Variants in FSIP1 observed in about 807,000 individuals in gnomAD.
The protein encoded by FSIP1 is fibrous sheath-interacting protein 1.
In FSIP1, 65 loss-of-function variants were observed where a neutral mutation model predicts 60.9. The observed-to-expected ratio is 1.07, with a 90% CI of 0.87 to 1.31. The LOEUF is 1.31. Ranked by LOEUF, FSIP1 falls within the 40% of genes most tolerant of loss-of-function variation. The pLI is 0.00. For synonymous variants in FSIP1, 209 were observed against 221.2 expected (o/e 0.94, Z 0.49); for missense variants, 675 against 665.5 (o/e 1.01, Z -0.16).
chr15:39,713,088 TTTATA>T (rs1324403203), intron 10 of FSIP1, among the ~76,000 whole-genome samples: 2 of 152,212 alleles, frequency 1.3e-5, no homozygotes, highest in Admixed American at 1.3e-4. Context: ...TATTTAATGT[TTTATA>T]TTATATAAAT....
At chr15:39,659,984 T>A (rs575302163) in intron 10 of FSIP1, among the ~76,000 whole-genome samples, 2 of 152,212 alleles carry the variant, frequency 1.3e-5, no homozygotes, top group Non-Finnish European at 2.9e-5. Flanking sequence ...ACTTCTTTTT[T>A]ACTTCTATCC....
intron 5 of FSIP1, among the ~76,000 whole-genome samples, chr15:39,757,742 G>T (rs146852467): frequency 3.7e-4 from 57 of 152,234 alleles, no homozygotes; most frequent in African/African-American, 1.4e-3. Flanking sequence ...GAAGAAGCCA[G>T]TAATACAATA....
chr15:39,715,201 C>T (rs985431203), intron 9 of FSIP1, among the ~76,000 whole-genome samples: 5 of 152,098 alleles, frequency 3.3e-5, no homozygotes, highest in African/African-American at 7.2e-5. Flanking sequence ...GCTTGAGACT[C>T]AGACTCAAAT....
At chr15:39,646,520 C>CAAAAAAAAAAAAAAAAAA (rs71132108) in intron 10 of FSIP1, among the ~76,000 whole-genome samples, 3 of 27,114 alleles carry the variant, frequency 1.1e-4, no homozygotes, top group Non-Finnish European at 2.3e-4. Context: ...CTCATCTCTA[C>CAAAAAAAAAAAAAAAAAA]AAAAAAAAAA....
intron 11 of FSIP1, among the ~76,000 whole-genome samples, chr15:39,613,647 C>CA (rs1252055444): frequency 1.6e-5 from 2 of 124,446 alleles, no homozygotes; most frequent in Non-Finnish European, 3.2e-5. Context: ...AGAAGAATAC[C>CA]ACAAGAAAAA....
chr15:39,693,407 T>C (rs936250158), intron 10 of FSIP1, among the ~76,000 whole-genome samples: 1 of 152,202 alleles, frequency 6.6e-6, no homozygotes, highest in Non-Finnish European at 1.5e-5. Context: ...TCCATGATCA[T>C]GGGCCAATTA....
intron 8 of FSIP1, among the ~76,000 whole-genome samples, chr15:39,732,206 ATGCTC>A (rs1896431385): frequency 6.6e-6 from 1 of 152,178 alleles, no homozygotes; most frequent in African/African-American, 2.4e-5. Context: ...TCAGGTGGTA[ATGCTC>A]GCTAGCCCAC....
At chr15:39,770,386 T>C in intron 3 of FSIP1, 41 bp downstream of exon 3, 1 of 1,359,398 alleles carries the variant, frequency 7.4e-7, no homozygotes, top group Non-Finnish European at 1.0e-6. Context: ...ATCATTAACA[T>C]TTGTAATTAT....
chr15:39,728,768 CT>C (rs2140602733), intron 8 of FSIP1, among the ~76,000 whole-genome samples: 1 of 152,210 alleles, frequency 6.6e-6, no homozygotes, highest in African/African-American at 2.4e-5. Flanking sequence ...CAAATGGGAC[CT>C]AATTAAAGAG....
At chr15:39,658,658 A>C (rs1893170428) in intron 10 of FSIP1, among the ~76,000 whole-genome samples, 1 of 152,250 alleles carries the variant, frequency 6.6e-6, no homozygotes, top group South Asian at 2.1e-4. Flanking sequence ...TTTAAGATAG[A>C]CATAGCAATA....
At chr15:39,638,328 C>T (rs758607566) in intron 10 of FSIP1, among the ~76,000 whole-genome samples, 12 of 152,154 alleles carry the variant, frequency 7.9e-5, no homozygotes, top group Admixed American at 2.0e-4. Flanking sequence ...AAAAGTGCAA[C>T]TAAGAGGAGA....
chr15:39,754,021 A>T (rs1483639895), intron 5 of FSIP1, among the ~76,000 whole-genome samples: 2 of 152,062 alleles, frequency 1.3e-5, no homozygotes, highest in Non-Finnish European at 2.9e-5. Flanking sequence ...AGAGACACAA[A>T]CCATGTTCCT....
At chr15:39,771,567 T>TTACC (rs1897887726) in intron 2 of FSIP1, among the ~76,000 whole-genome samples, 1 of 152,148 alleles carries the variant, frequency 6.6e-6, no homozygotes, top group Non-Finnish European at 1.5e-5. Context: ...CTGAGCTGAC[T>TTACC]CAGTGGTAAT....
chr15:39,751,275 T>A (rs1434164505), intron 5 of FSIP1, among the ~76,000 whole-genome samples: 1 of 151,778 alleles, frequency 6.6e-6, no homozygotes, highest in Admixed American at 6.6e-5. Context: ...CTTCTGGGTA[T>A]AAACGCAAAG....
At chr15:39,642,901 T>C (rs1214888333) in intron 10 of FSIP1, among the ~76,000 whole-genome samples, 2 of 152,210 alleles carry the variant, frequency 1.3e-5, no homozygotes, top group Non-Finnish European at 2.9e-5. Context: ...AAAACAATGT[T>C]GTACTATAAT....
chr15:39,677,523 T>G (rs1318234450), intron 10 of FSIP1, among the ~76,000 whole-genome samples: 1 of 152,086 alleles, frequency 6.6e-6, no homozygotes, highest in African/African-American at 2.4e-5. Flanking sequence ...TTAAAATTAT[T>G]TTCACACCCC....
In FSIP1 at chr15:39,716,812, C is replaced by CTTTTTTT. The variant is rs72106293; in HGVS notation, c.1051-3238_1051-3232dup. Among the ~76,000 whole-genome samples, 53 of 110,198 alleles carry CTTTTTTT rather than the reference C, an allele frequency of 4.8e-4. 3 individuals are homozygous for CTTTTTTT. The highest frequency in any genetic ancestry group is 7.7e-4 in the Non-Finnish European group (44 of 56,916). 72.3% of individuals were successfully genotyped at this position (110,198 alleles called of 152,430 possible). On this transcript the variant is annotated intron_variant, in intron 9 of 11. Transcript: ENST00000350221. ...AACCACTTTGAAAAACAGGCCATGT[C>CTTTTTTT]TTTTTTTTTTTTTTTTTTTTTGAGA...
chr15:39,677,477 T>C (rs750084397), intron 10 of FSIP1, among the ~76,000 whole-genome samples: 1 of 150,484 alleles, frequency 6.6e-6, no homozygotes, highest in Non-Finnish European at 1.5e-5. Context: ...ATTTTTTGAC[T>C]GAATGAATGA....
At chr15:39,780,211 A>G (rs1301751825) in intron 1 of FSIP1, among the ~76,000 whole-genome samples, 1 of 152,236 alleles carries the variant, frequency 6.6e-6, no homozygotes, top group Non-Finnish European at 1.5e-5. Flanking sequence ...GTGCTTTGCA[A>G]CTTGCTTTTT....
Sources: gnomAD v4.1 joint callset for allele counts (sites outside exome capture counted in the v4.1 genomes callset) on GRCh38, gnomAD v4.1.1 for gene constraint, MANE v1.5 for transcripts, NCBI Gene and HGNC (gene_info 2026-07-23, HGNC 2026-07-21) for gene names.